HS1BP3: variants seen among roughly 807,000 people sequenced by gnomAD.
HS1BP3 encodes HCLS1-binding protein 3.
In HS1BP3, 32 loss-of-function variants were observed where a neutral mutation model predicts 33.5. The observed-to-expected ratio is 0.95, with a 90% CI of 0.72 to 1.28. HS1BP3 has a LOEUF of 1.28. HS1BP3 is among the 50% of genes most tolerant of loss of function. The probability of loss-of-function intolerance (pLI) is 0.00; values close to 1 mark genes in which losing one functional copy is unlikely to be tolerated. For missense variants in HS1BP3, 486 were observed against 502.3 expected (o/e 0.97, Z 0.31); for synonymous variants, 187 against 209.2 (o/e 0.89, Z 0.92).
downstream of HS1BP3, among the ~76,000 whole-genome samples, chr2:20,556,603 A>G (rs1692848425): frequency 6.6e-6 from 1 of 152,196 alleles, no homozygotes; most frequent in Non-Finnish European, 1.5e-5. Context: ...CAAAAACAGT[A>G]CCAGGTTGGC....
chr2:20,568,202 G>T (rs1044106487), intron 5 of HS1BP3, among the ~76,000 whole-genome samples: 2 of 152,206 alleles, frequency 1.3e-5, no homozygotes, highest in Admixed American at 6.5e-5. Flanking sequence ...GGAGGAGAAA[G>T]GTGGTGCTGG....
In HS1BP3 at chr2:20,562,023, G is replaced by T. The variant is rs369957912; in HGVS notation, c.303-1508C>A. On this transcript the variant is annotated intron_variant, in intron 5 of 5. Coordinates refer to the HS1BP3 transcript ENST00000446825. ...TAAAGCCTCCATAAAAACCCCAAAG[G>T]ACTAGGTTTGGGGAACTTCCGGATT... Among the ~76,000 whole-genome samples, 7 of 152,276 alleles carry T rather than the reference G, an allele frequency of 4.6e-5. No individual in the cohort carries two copies. In the East Asian group the frequency reaches 7.7e-4, roughly 17 times the overall value.
chr2:20,641,935 C>T (rs568727976), intron 2 of HS1BP3, among the ~76,000 whole-genome samples: 1 of 152,356 alleles, frequency 6.6e-6, no homozygotes, highest in South Asian at 2.1e-4. Context: ...AGCAGGCTCT[C>T]AGTCTCACAG....
At position 20,618,960 on chromosome 2, in the gene HS1BP3, G is replaced by C; in HGVS notation, c.*27C>G. 1.2e-6 allele frequency: 2 copies of C among 1,601,886 alleles called. No homozygotes were observed. The highest frequency in any genetic ancestry group is 1.7e-5 in the Admixed American group (1 of 59,452). ...CACCGATGTCCCCACAGACAGGCCT[G>C]CTGGGCCAGGGGCCAGCATGGAAGG... On this transcript the variant is annotated 3_prime_UTR_variant, in exon 7 of 7. Coordinates refer to ENST00000304031, the MANE Select transcript of HS1BP3 (RefSeq NM_022460.4).
chr2:20,615,472 T>C (rs1694405145), downstream of HS1BP3, among the ~76,000 whole-genome samples: 1 of 152,248 alleles, frequency 6.6e-6, no homozygotes, highest in Non-Finnish European at 1.5e-5. Context: ...GAGTTTGTAG[T>C]GAGTGGGACC....
chr2:20,567,745 A>T lies in HS1BP3; in HGVS notation c.303-7230T>A, dbSNP rs116803578. ...TAGAAAGGTCACTCTCTGACCTGTG[A>T]CCTTGCCCTTTCACCCCAGTCCCTG... On this transcript the variant is annotated intron_variant, in intron 5 of 5. Coordinates refer to the HS1BP3 transcript ENST00000446825. Among the ~76,000 whole-genome samples, 1,316 of 152,232 alleles carry T rather than the reference A, an allele frequency of 8.6e-3. 15 individuals carry two copies. The highest frequency in any genetic ancestry group is 0.031 in the African/African-American group (1,275 of 41,524).
intron 2 of HS1BP3, among the ~76,000 whole-genome samples, chr2:20,643,258 G>C (rs1297578332): frequency 2.6e-5 from 4 of 152,240 alleles, no homozygotes; most frequent in Non-Finnish European, 5.9e-5. Context: ...TCATGGAGGT[G>C]TTAAAACACC....
At chr2:20,637,959 G>A (rs11680086) in intron 4 of HS1BP3, 49,673 of 187,628 alleles carry the variant, frequency 0.26, 6,791 homozygotes, top group South Asian at 0.33. Context: ...GAAGAAAAGA[G>A]ATTGTAAATG....
intron 2 of HS1BP3, among the ~76,000 whole-genome samples, chr2:20,644,980 C>T (rs999178061): frequency 6.6e-6 from 1 of 152,172 alleles, no homozygotes; most frequent in African/African-American, 2.4e-5. Flanking sequence ...CCCGGGACAC[C>T]CTTCTCACCT....
intron 5 of HS1BP3, among the ~76,000 whole-genome samples, chr2:20,579,526 G>C (rs1296619221): frequency 6.6e-6 from 1 of 152,236 alleles, no homozygotes; most frequent in Non-Finnish European, 1.5e-5. Flanking sequence ...AGAGAAACCA[G>C]ACACAGAGAG....
At chr2:20,577,397 G>A (rs1012357998) in intron 5 of HS1BP3, among the ~76,000 whole-genome samples, 2 of 152,140 alleles carry the variant, frequency 1.3e-5, no homozygotes, top group African/African-American at 4.8e-5. Context: ...GGAAGAGCAT[G>A]ATTCTTGGGG....
At chr2:20,623,789 C>T (rs538436579) in intron 6 of HS1BP3, 107 bp downstream of exon 6, 2 of 1,294,898 alleles carry the variant, frequency 1.5e-6, no homozygotes, top group Admixed American at 3.0e-5. Flanking sequence ...GGCCTGGGGT[C>T]CTCCCCTCAG....
chr2:20,624,972 G>C, intron 4 of HS1BP3, 80 bp from the exon 5 acceptor site: 2 of 1,518,804 alleles, frequency 1.3e-6, no homozygotes, highest in Non-Finnish European at 9.1e-7. Context: ...CACAGGCGCT[G>C]GGCCCTGCAG....
intron 6 of HS1BP3, chr2:20,623,620 TA>T: frequency 2.9e-6 from 1 of 344,648 alleles, no homozygotes; most frequent in Non-Finnish European, 5.2e-6. Context: ...ATTCTTTACA[TA>T]AACTGTTAAA....
downstream of HS1BP3, among the ~76,000 whole-genome samples, chr2:20,588,482 A>AT (rs962777363): frequency 2.1e-4 from 31 of 151,184 alleles, 1 homozygote; most frequent in East Asian, 7.8e-4. Flanking sequence ...CGCCTGGCTA[A>AT]TTTTTTTTTG....
chr2:20,634,500 C>A (rs539494784), intron 4 of HS1BP3, among the ~76,000 whole-genome samples: 2 of 152,198 alleles, frequency 1.3e-5, no homozygotes, highest in Admixed American at 6.5e-5. Context: ...CAGGCCCATG[C>A]GCAGTGGTCG....
chr2:20,606,838 T>C lies in HS1BP3; in HGVS notation c.179-8573A>G, dbSNP rs189012728. ...TGTTGAGTTGTAGGAGTTCTTTATA[T>C]ATTCTAGACACTAGATCCTTAAACG... On this transcript the variant is annotated intron_variant, in intron 2 of 3. Transcript: ENST00000415264. Among the ~76,000 whole-genome samples the C allele has an allele frequency of 3.3e-5, 5 of 152,384 alleles. No homozygotes were observed. In the East Asian group the frequency reaches 9.6e-4, roughly 29 times the overall value.
the HS1BP3 span, among the ~76,000 whole-genome samples, chr2:20,554,534 C>T: frequency 3.3e-5 from 5 of 152,176 alleles, no homozygotes; most frequent in South Asian, 2.1e-4. Flanking sequence ...ACCAGCCTGG[C>T]CAACATGGTG....
In HS1BP3 at chr2:20,564,161, T is replaced by C. The variant is rs562752200; in HGVS notation, c.303-3646A>G. Among the ~76,000 whole-genome samples, 3 of 152,324 alleles carry C rather than the reference T, an allele frequency of 2.0e-5. No individual in the cohort carries two copies. The South Asian group carries it at 6.2e-4, about 32-fold the overall frequency. ...GGCCAACAGAGCATGTGAGAATTTG[T>C]CCACTGCTGTCCTCTTCCTCAGGCT... On this transcript the variant is annotated intron_variant, in intron 5 of 5. Coordinates refer to the HS1BP3 transcript ENST00000446825.
Sources: gnomAD v4.1 joint callset for allele counts (sites outside exome capture counted in the v4.1 genomes callset) on GRCh38, gnomAD v4.1.1 for gene constraint, MANE v1.5 for transcripts, NCBI Gene and HGNC (gene_info 2026-07-23, HGNC 2026-07-21) for gene names.